The following RBMS3 variants were observed in gnomAD, a reference collection of about 807,000 sequenced individuals.
RBMS3 encodes the protein RNA binding motif single stranded interacting protein 3, also known as RNA-binding motif, single-stranded-interacting protein 3.
RBMS3 carries 27 observed loss-of-function variants against 66.8 expected under a neutral mutation model. That is an observed-to-expected ratio of 0.40 (90% confidence interval 0.30 to 0.56). The LOEUF is 0.56. Among genes scored for constraint, RBMS3 ranks in the 20% least tolerant of loss-of-function variants. The pLI, the probability that RBMS3 is intolerant of heterozygous loss-of-function variation, is 0.40. For synonymous variants in RBMS3, 188 were observed against 183.0 expected (o/e 1.03, Z -0.22); for missense variants, 513 against 549.5 (o/e 0.93, Z 0.66).
At chr3:29,568,313 C>G (rs2046816072) in intron 3 of RBMS3, among the ~76,000 whole-genome samples, 1 of 152,074 alleles carries the variant, frequency 6.6e-6, no homozygotes. Context: ...TAGCCCCAGT[C>G]CTGTATTTTT....
intron 4 of RBMS3, among the ~76,000 whole-genome samples, chr3:29,728,637 C>T (rs1319246827): frequency 1.3e-5 from 2 of 152,110 alleles, no homozygotes; most frequent in Non-Finnish European, 2.9e-5. Flanking sequence ...ACACAGCACA[C>T]CACTTTTCTC....
At chr3:29,382,529 G>A (rs1432918786) in intron 1 of RBMS3, among the ~76,000 whole-genome samples, 1 of 152,086 alleles carries the variant, frequency 6.6e-6, no homozygotes, top group Admixed American at 6.6e-5. Context: ...GGAGAGGAAG[G>A]GTTCCATGAA....
chr3:29,292,827 C>T (rs1318031186), intron 1 of RBMS3, among the ~76,000 whole-genome samples: 1 of 151,786 alleles, frequency 6.6e-6, no homozygotes, highest in Non-Finnish European at 1.5e-5. Context: ...TGGAATTTGA[C>T]AACTTGTTTT....
At chr3:29,292,232 C>T (rs1025651624) in intron 1 of RBMS3, among the ~76,000 whole-genome samples, 9 of 151,660 alleles carry the variant, frequency 5.9e-5, no homozygotes, top group African/African-American at 2.2e-4. Context: ...CACATACATT[C>T]CTGAAAACCT....
intron 1 of RBMS3, among the ~76,000 whole-genome samples, chr3:29,339,742 A>G (rs1344008763): frequency 2.0e-5 from 3 of 152,134 alleles, no homozygotes; most frequent in Non-Finnish European, 4.4e-5. Context: ...AAGTCTCAGA[A>G]GTTATGTTAC....
chr3:29,597,680 A>G (rs1056277717), intron 4 of RBMS3, among the ~76,000 whole-genome samples: 6 of 152,176 alleles, frequency 3.9e-5, no homozygotes, highest in African/African-American at 1.4e-4. Flanking sequence ...AGAATATTCA[A>G]CTTTAGAAAA....
intron 6 of RBMS3, among the ~76,000 whole-genome samples, chr3:29,848,928 A>T (rs992691130): frequency 2.0e-5 from 3 of 152,220 alleles, no homozygotes; most frequent in African/African-American, 7.2e-5. Context: ...CACATTGTGA[A>T]TGCTAGAATT....
chr3:29,509,623 G>A (rs950811155), intron 3 of RBMS3, among the ~76,000 whole-genome samples: 25 of 152,132 alleles, frequency 1.6e-4, no homozygotes, highest in African/African-American at 5.1e-4. Flanking sequence ...GCGAGACTCA[G>A]CTGATAAATT....
intron 1 of RBMS3, among the ~76,000 whole-genome samples, chr3:29,314,352 C>T (rs2034552128): frequency 6.6e-6 from 1 of 151,622 alleles, no homozygotes; most frequent in Non-Finnish European, 1.5e-5. Flanking sequence ...ATTCCATGAA[C>T]AAAAACATGA....
At chr3:29,998,818 T>C (rs1699425066) in intron 14 of RBMS3, among the ~76,000 whole-genome samples, 1 of 152,164 alleles carries the variant, frequency 6.6e-6, no homozygotes, top group African/African-American at 2.4e-5. Flanking sequence ...ATAAAAACTC[T>C]AGAAGAAAAC....
chr3:29,447,682 T>C (rs994613526), intron 2 of RBMS3, among the ~76,000 whole-genome samples: 9 of 152,336 alleles, frequency 5.9e-5, no homozygotes, highest in Admixed American at 3.3e-4. Flanking sequence ...ACTTACCCAA[T>C]ATAAACTGAA....
intron 12 of RBMS3, among the ~76,000 whole-genome samples, chr3:29,961,942 CTCCT>C (rs1333723599): frequency 2.0e-5 from 3 of 147,978 alleles, no homozygotes; most frequent in South Asian, 2.1e-4. Flanking sequence ...ATCAGTCAAA[CTCCT>C]TCCTTCCAGA....
intron 14 of RBMS3, among the ~76,000 whole-genome samples, chr3:29,997,462 C>CA (rs1477015631): frequency 1.4e-5 from 2 of 148,112 alleles, no homozygotes; most frequent in African/African-American, 2.6e-5. Flanking sequence ...AGAGACACAA[C>CA]AAAAAAAGAG....
At chr3:29,511,666 T>C (rs894277936) in intron 3 of RBMS3, among the ~76,000 whole-genome samples, 2 of 152,162 alleles carry the variant, frequency 1.3e-5, no homozygotes, top group Admixed American at 1.3e-4. Context: ...ACCCTACTCA[T>C]AGGACCATCA....
intron 12 of RBMS3, among the ~76,000 whole-genome samples, chr3:29,977,589 G>A (rs1697678401): frequency 6.6e-6 from 1 of 152,058 alleles, no homozygotes; most frequent in Non-Finnish European, 1.5e-5. Flanking sequence ...AACAAGGCAT[G>A]GAGTCTGGAA....
rs566478095 is a variant in RBMS3, at chr3:29,902,586, A to G, written c.939+2831A>G. On this transcript the variant is annotated intron_variant, in intron 10 of 14. Coordinates refer to ENST00000383767, the MANE Select transcript of RBMS3 (RefSeq NM_001003793.3). ...TGCCCATTGAGAATCTCCTTTTTTCAGTAACTGGAGACTACCTTACAAATA... is the reference window on the plus strand; with the variant it reads ...TGCCCATTGAGAATCTCCTTTTTTCGGTAACTGGAGACTACCTTACAAATA... 1.6e-4 allele frequency among the ~76,000 whole-genome samples: 24 copies of G among 151,956 alleles called. No homozygotes were observed. The East Asian group carries it at 4.3e-3, about 27-fold the overall frequency.
chr3:29,877,277 C>T (rs373722235), intron 7 of RBMS3, among the ~76,000 whole-genome samples: 1 of 152,216 alleles, frequency 6.6e-6, no homozygotes, highest in Middle Eastern at 3.4e-3. Flanking sequence ...GCCCCCTGAG[C>T]ACTCTGGCAT....
intron 5 of RBMS3, among the ~76,000 whole-genome samples, chr3:29,744,440 T>C (rs1396386137): frequency 1.3e-5 from 2 of 152,168 alleles, no homozygotes; most frequent in Non-Finnish European, 2.9e-5. Context: ...TGGTATTAGC[T>C]CACAAATTGT....
chr3:29,545,146 A>G (rs1236774424), intron 3 of RBMS3, among the ~76,000 whole-genome samples: 2 of 152,288 alleles, frequency 1.3e-5, no homozygotes, highest in South Asian at 2.1e-4. Context: ...TTATTCCTAC[A>G]GTAAGATACT....
Sources: gnomAD v4.1 joint callset for allele counts (sites outside exome capture counted in the v4.1 genomes callset) on GRCh38, gnomAD v4.1.1 for gene constraint, MANE v1.5 for transcripts, NCBI Gene and HGNC (gene_info 2026-07-23, HGNC 2026-07-21) for gene names.